AGBL1: variants seen among roughly 807,000 people sequenced by gnomAD.
AGBL1 encodes AGBL carboxypeptidase 1, also known as cytosolic carboxypeptidase 4.
Under a neutral mutation model 118.9 loss-of-function variants are expected in AGBL1, and 130 were observed. The observed-to-expected ratio is 1.09, with a 90% CI of 0.95 to 1.26. AGBL1 has a LOEUF of 1.26. Ranked by LOEUF, AGBL1 falls within the 50% of genes most tolerant of loss-of-function variation. AGBL1 has a pLI of 0.00. For missense variants in AGBL1, 1,584 were observed against 1,298.1 expected (o/e 1.22, Z -3.38); for synonymous variants, 555 against 478.9 (o/e 1.16, Z -2.08).
intron 21 of AGBL1, among the ~76,000 whole-genome samples, chr15:86,656,534 T>G (rs1469818247): frequency 6.6e-6 from 1 of 152,198 alleles, no homozygotes; most frequent in Non-Finnish European, 1.5e-5. Context: ...CTAGCAGGCC[T>G]CTGTGTAGCC....
chr15:86,151,361 A>G (rs1360063381), intron 3 of AGBL1, among the ~76,000 whole-genome samples: 1 of 152,032 alleles, frequency 6.6e-6, no homozygotes, highest in Non-Finnish European at 1.5e-5. Flanking sequence ...CTGGGATGCA[A>G]GGCTGGTTCA....
At chr15:86,872,923 G>C (rs1311716842) in intron 22 of AGBL1, among the ~76,000 whole-genome samples, 1 of 152,138 alleles carries the variant, frequency 6.6e-6, no homozygotes, top group Non-Finnish European at 1.5e-5. Context: ...ACATGCAAAT[G>C]TTATACACGT....
chr15:86,803,597 A>G (rs2141353325), intron 22 of AGBL1, among the ~76,000 whole-genome samples: 1 of 152,232 alleles, frequency 6.6e-6, no homozygotes, highest in East Asian at 1.9e-4. Flanking sequence ...ATATCAGGTT[A>G]TTTGCATCTC....
chr15:86,931,141 G>A (rs1188500193), intron 23 of AGBL1, among the ~76,000 whole-genome samples: 1 of 152,174 alleles, frequency 6.6e-6, no homozygotes, highest in Non-Finnish European at 1.5e-5. Context: ...CAAGTCTTTA[G>A]ACAATGCTTC....
chr15:86,816,905 G>A (rs1171406626), intron 22 of AGBL1, among the ~76,000 whole-genome samples: 2 of 152,004 alleles, frequency 1.3e-5, no homozygotes, highest in Non-Finnish European at 2.9e-5. Flanking sequence ...TGTAAGAAAG[G>A]CATTATTACA....
intron 1 of AGBL1, among the ~76,000 whole-genome samples, chr15:86,089,732 G>A (rs1895895151): frequency 6.6e-6 from 1 of 151,922 alleles, no homozygotes; most frequent in African/African-American, 2.4e-5. Context: ...TTTCGACCCA[G>A]AGCATCTATA....
intron 18 of AGBL1, among the ~76,000 whole-genome samples, chr15:86,466,688 C>T (rs1157164513): frequency 2.0e-5 from 3 of 152,192 alleles, no homozygotes; most frequent in Admixed American, 1.3e-4. Context: ...GTGTGGTCGT[C>T]CTTTTTGTTG....
chr15:86,423,588 A>G (rs2081822257), intron 18 of AGBL1, among the ~76,000 whole-genome samples: 2 of 152,326 alleles, frequency 1.3e-5, no homozygotes, highest in African/African-American at 4.8e-5. Flanking sequence ...GAAGAGAGGA[A>G]GTCAAATTGT....
chr15:86,827,922 G>A (rs2079051773), intron 22 of AGBL1, among the ~76,000 whole-genome samples: 1 of 36,440 alleles, frequency 2.7e-5, no homozygotes. Flanking sequence ...CATAGTCTCT[G>A]GCACTTGATG....
chr15:86,896,762 T>C (rs2080134522), intron 22 of AGBL1, among the ~76,000 whole-genome samples: 1 of 152,180 alleles, frequency 6.6e-6, no homozygotes, highest in African/African-American at 2.4e-5. Flanking sequence ...ATTGACAAGA[T>C]TGATAGCATT....
intron 22 of AGBL1, among the ~76,000 whole-genome samples, chr15:86,770,232 C>G (rs1046307525): frequency 6.6e-6 from 1 of 151,914 alleles, no homozygotes; most frequent in African/African-American, 2.4e-5. Flanking sequence ...AAGACTGGGT[C>G]CTGCTCTCAT....
downstream of AGBL1, among the ~76,000 whole-genome samples, chr15:86,918,870 G>A (rs1264243354): frequency 6.6e-6 from 1 of 152,172 alleles, no homozygotes; most frequent in East Asian, 1.9e-4. Flanking sequence ...AACAAAATCG[G>A]GTCTGGATTG....
chr15:86,581,397 C>G (rs1353165159), intron 21 of AGBL1, among the ~76,000 whole-genome samples: 1 of 152,076 alleles, frequency 6.6e-6, no homozygotes, highest in African/African-American at 2.4e-5. Flanking sequence ...CTGGTGGCAA[C>G]ATTTCTTATA....
At chr15:86,398,778 A>G (rs567259097) in intron 18 of AGBL1, among the ~76,000 whole-genome samples, 1 of 152,274 alleles carries the variant, frequency 6.6e-6, no homozygotes, top group Admixed American at 6.5e-5. Flanking sequence ...TGAAAAGGTT[A>G]AAAGTATGAA....
intron 1 of AGBL1, among the ~76,000 whole-genome samples, chr15:86,128,362 C>T (rs184180345): frequency 6.6e-6 from 1 of 152,226 alleles, no homozygotes; most frequent in Admixed American, 6.5e-5. Flanking sequence ...TCAATGATCT[C>T]CACCTGGCCC....
chr15:87,021,779 TCAGA>T (rs1355487786), intron 24 of AGBL1, among the ~76,000 whole-genome samples: 2 of 152,072 alleles, frequency 1.3e-5, no homozygotes, highest in Non-Finnish European at 2.9e-5. Context: ...CAGCTCTAAC[TCAGA>T]CAGAGCAGCA....
intron 21 of AGBL1, among the ~76,000 whole-genome samples, chr15:86,658,797 G>C (rs946144294): frequency 1.3e-5 from 2 of 152,152 alleles, no homozygotes; most frequent in African/African-American, 4.8e-5. Flanking sequence ...TGTGTTTGGG[G>C]TTTGATTTAG....
intron 5 of AGBL1, among the ~76,000 whole-genome samples, chr15:86,210,327 T>C (rs142429224): frequency 0.012 from 1,868 of 152,278 alleles, 22 homozygotes; most frequent in East Asian, 0.057. Flanking sequence ...ATCTTTGTGG[T>C]GTTCTCTGTA....
intron 22 of AGBL1, among the ~76,000 whole-genome samples, chr15:86,748,431 T>G (rs2077790889): frequency 6.6e-6 from 1 of 150,820 alleles, no homozygotes; most frequent in South Asian, 2.1e-4. Context: ...TTCTGTAGGT[T>G]GCCAGTTCAC....
Sources: allele counts gnomAD v4.1 joint callset (sites outside exome capture counted in the v4.1 genomes callset), GRCh38; gene constraint gnomAD v4.1.1; transcripts MANE v1.5; gene names NCBI Gene and HGNC (gene_info 2026-07-23, HGNC 2026-07-21).